The following MCM2 variants were observed in gnomAD, a reference collection of about 807,000 sequenced individuals.
MCM2 encodes DNA replication licensing factor MCM2.
Under a neutral mutation model 86.4 loss-of-function variants are expected in MCM2, and 49 were observed. That is an observed-to-expected ratio of 0.57 (90% CI 0.45 to 0.72). The LOEUF (loss-of-function observed/expected upper bound fraction) is 0.72. Among genes scored for constraint, MCM2 ranks in the 30% least tolerant of loss-of-function variants. The pLI, the probability that MCM2 is intolerant of heterozygous loss-of-function variation, is 0.00. For missense variants in MCM2, 1,038 were observed against 1,259.9 expected, an observed-to-expected ratio of 0.82 and a Z score of 2.67; for synonymous variants, 475 against 484.6, an observed-to-expected ratio of 0.98 and a Z score of 0.26.
chr3:127,602,370 T>C (rs2074312211), intron 2 of MCM2, among the ~76,000 whole-genome samples: 1 of 152,094 alleles, frequency 6.6e-6, no homozygotes, highest in Non-Finnish European at 1.5e-5. Context: ...AGTTTGACAA[T>C]GTTTATTGCA....
At chr3:127,599,216 A>G (rs1257178861) in intron 1 of MCM2, 102 bp from the exon 2 acceptor site, 1 of 921,858 alleles carries the variant, frequency 1.1e-6, no homozygotes, top group Non-Finnish European at 1.7e-6. Flanking sequence ...GACAAGAGTC[A>G]CAGGTGGAGA....
Position 127,621,248 on chromosome 3 carries a change from G to T in MCM2, c.2604+20G>T. The T allele has an allele frequency of 6.2e-7, 1 of 1,613,180 alleles. No homozygotes were observed. The highest frequency in any genetic ancestry group is 8.5e-7 in the Non-Finnish European group (1 of 1,179,770). On this transcript the variant is annotated intron_variant, in intron 15 of 15. Coordinates refer to ENST00000265056, the MANE Select transcript of MCM2 (RefSeq NM_004526.4). ...GATAAGGTATGGGCCCGGAAGGGAG[G>T]TGAGGGTTGGGGTATGCTGACTTGG...
chr3:127,620,442 A>C (rs1003480146), intron 13 of MCM2, among the ~76,000 whole-genome samples: 1 of 152,248 alleles, frequency 6.6e-6, no homozygotes, highest in African/African-American at 2.4e-5. Context: ...GATGCACAGA[A>C]GTCAGCTGGT....
intron 8 of MCM2, among the ~76,000 whole-genome samples, chr3:127,609,313 T>C (rs2074375425): frequency 6.6e-6 from 1 of 152,150 alleles, no homozygotes; most frequent in Admixed American, 6.5e-5. Context: ...AGGACGGGGT[T>C]GCGACGAGAA....
rs17538488 is a variant in MCM2 at position 127,607,003 on chromosome 3, C to A, written c.1101+186C>A. Among the ~76,000 whole-genome samples, 582 of 152,324 alleles carry A rather than the reference C, an allele frequency of 3.8e-3. 2 individuals are homozygous for A. The highest frequency in any genetic ancestry group is 5.3e-3 in the Non-Finnish European group (361 of 68,030). ...GCCAGTGGACTTAGCTTGGCCCACA[C>A]GACGTTTTTAGGAATTCAAGTCAAT... is the stretch of plus-strand genomic sequence containing the variant. On this transcript the variant is annotated intron_variant, in intron 6 of 15. Coordinates refer to ENST00000265056, the MANE Select transcript of MCM2 (RefSeq NM_004526.4).
Position 127,605,039 on chromosome 3 carries a change from G to A in MCM2, c.556G>A (p.Val186Met). 1 of 1,614,142 alleles carries A rather than the reference G, an allele frequency of 6.2e-7. No individual in the cohort carries two copies. Among genetic ancestry groups the A allele is most frequent in the Non-Finnish European group, 8.5e-7 (1 of 1,180,004 alleles). The stretch of plus-strand genomic sequence containing the variant: ...CAAAGGCCACTCTGTGCGCGAGTGG[G>A]TGAGCATGGCGGGCCCCCGGCTGGA... ...DLKGHSVREW[V>M]SMAGPRLEIH... is the part of the protein sequence containing the mutation. The change falls in exon 4 of 16, where the codon GTG becomes ATG. Residue 186 changes from valine (V) to methionine (M), a missense_variant. Coordinates refer to ENST00000265056, the MANE Select transcript of MCM2 (RefSeq NM_004526.4).
rs2074446394 is a variant in MCM2, at chr3:127,617,993, C to G, written c.1925C>G (p.Thr642Ser). 1 of 1,613,952 alleles carries G rather than the reference C, an allele frequency of 6.2e-7. No individual in the cohort carries two copies. The highest frequency in any genetic ancestry group is 8.5e-7 in the Non-Finnish European group (1 of 1,179,988). Reference sequence around the variant, plus strand: ...GGAGGGCGCTACGACCCCTCGCTGACTTTCTCTGAGAACGTGGACCTCACA... The same window carrying G: ...GGAGGGCGCTACGACCCCTCGCTGAGTTTCTCTGAGAACGTGGACCTCACA... ...PIGGRYDPSL[T>S]FSENVDLTEP... The change falls in exon 12 of 16, where the codon ACT (threonine) becomes AGT (serine). Residue 642 changes from threonine (T) to serine (S), a missense_variant. Physicochemically the swap from Thr to Ser is moderately conservative, Grantham distance 58 (BLOSUM62 1). Coordinates refer to ENST00000265056, the MANE Select transcript of MCM2 (RefSeq NM_004526.4). This position sits in a 1 kb window ranked among gnomAD's most constrained non-coding sequence, Gnocchi z 4.1.
rs377332125 is a variant in MCM2 at position 127,606,481 on chromosome 3, G to A, written c.894-129G>A. ...GCAGGTGAGTTGTGGTTGCACAGGA[G>A]TGTGATGGGAGGGATCTTCCCGGGC... On this transcript the variant is annotated intron_variant, in intron 5 of 15. Coordinates refer to ENST00000265056, the MANE Select transcript of MCM2 (RefSeq NM_004526.4). The surrounding 1 kb of genome is among the most constrained non-coding windows in gnomAD (Gnocchi z 4.2). 1 of 1,174,362 alleles carries A rather than the reference G, an allele frequency of 8.5e-7. No homozygotes were observed. The highest frequency in any genetic ancestry group is 1.2e-6 in the Non-Finnish European group (1 of 817,302). The allele number at this position is 1,174,362 out of a possible 1,614,324, so 72.7% of individuals were successfully genotyped here.
At chr3:127,620,977 C>A in intron 14 of MCM2, 96 bp from the exon 15 acceptor site, 1 of 1,570,804 alleles carries the variant, frequency 6.4e-7, no homozygotes, top group Non-Finnish European at 8.7e-7. Flanking sequence ...CACCCAGGAG[C>A]GGCAGCCTGT....
At chr3:127,621,344 A>G (rs2074477573) in intron 15 of MCM2, 116 bp downstream of exon 15, 1 of 1,217,128 alleles carries the variant, frequency 8.2e-7, no homozygotes, top group Non-Finnish European at 1.2e-6. Context: ...GTTGACAGCC[A>G]TTTATTGAAT....
chr3:127,600,106 CCCG>C (rs1484834169), intron 2 of MCM2, among the ~76,000 whole-genome samples: 1 of 152,160 alleles, frequency 6.6e-6, no homozygotes, highest in African/African-American at 2.4e-5. Context: ...AGGGTGAAAC[CCCG>C]TCTCTGCTAA....
chr3:127,616,741 C>T, intron 9 of MCM2, 127 bp from the exon 10 acceptor site: 1 of 1,088,214 alleles, frequency 9.2e-7, no homozygotes, highest in Non-Finnish European at 1.3e-6. Flanking sequence ...CATTGTATCC[C>T]TTTCTAGAGG....
At chr3:127,607,259 C>A (rs1248325130) in intron 6 of MCM2, among the ~76,000 whole-genome samples, 1 of 152,216 alleles carries the variant, frequency 6.6e-6, no homozygotes, top group Non-Finnish European at 1.5e-5. Flanking sequence ...ACCATACCAA[C>A]CTCCTGCACC....
chr3:127,620,842 G>A lies in MCM2; in HGVS notation c.2410G>A (p.Asp804Asn). Residue 804 changes from aspartate to asparagine, a missense_variant, in exon 14 of 16, where the codon GAC becomes AAC. This residue lies in a region of MCM2 where 336 missense variants were observed against 425.7 expected (regional missense o/e 0.79). Coordinates refer to ENST00000265056, the MANE Select transcript of MCM2 (RefSeq NM_004526.4). ...AIRVMLESFI[D>N]TQKFSVMRSM... ...CCGCGTGATGCTGGAGAGCTTCATA[G>A]ACACACAGAAGTTCAGCGTCATGCG... is the stretch of plus-strand genomic sequence containing the variant. The A allele has an allele frequency of 6.2e-7, 1 of 1,613,246 alleles. No individual in the cohort carries two copies. The highest frequency in any genetic ancestry group is 8.5e-7 in the Non-Finnish European group (1 of 1,179,480).
chr3:127,620,898 T>C lies in MCM2; in HGVS notation c.2448+18T>C. On this transcript the variant is annotated intron_variant, in intron 14 of 15. Coordinates refer to ENST00000265056, the MANE Select transcript of MCM2 (RefSeq NM_004526.4). ...TGCGCAAGGTGGGTGTGCTCCGAGG[T>C]AGGGGCCTGATGGGCAAGCTCAGTG... 1 of 1,589,696 alleles carries C rather than the reference T, an allele frequency of 6.3e-7. No homozygotes were observed. The highest frequency in any genetic ancestry group is 8.6e-7 in the Non-Finnish European group (1 of 1,164,492).
intron 2 of MCM2, among the ~76,000 whole-genome samples, chr3:127,603,000 C>G (rs1398584910): frequency 1.3e-5 from 2 of 152,088 alleles, no homozygotes; most frequent in East Asian, 3.8e-4. Flanking sequence ...ATACACATAA[C>G]AAAATTTACC....
Position 127,604,945 on chromosome 3 carries a change from G to A in MCM2, c.462G>A (p.Val154=), listed in dbSNP as rs1307115011. The A allele has an allele frequency of 6.2e-7, 1 of 1,613,812 alleles. No homozygotes were observed. The highest frequency in any genetic ancestry group is 8.5e-7 in the Non-Finnish European group (1 of 1,179,852). The change falls in exon 4 of 16, where the codon GTG becomes GTA. Residue 154 remains valine (V), a synonymous_variant. Transcript: ENST00000265056. ...GCCCTGCCCGCAAGCGCCGCCAGGT[G>A]GAGCGGGCCACGGAGGACGGCGAGG... ...EERPARKRRQ[V]ERATEDGEED...
At chr3:127,620,988 C>G in intron 14 of MCM2, 85 bp from the exon 15 acceptor site, 1 of 1,578,416 alleles carries the variant, frequency 6.3e-7, no homozygotes, top group Non-Finnish European at 8.6e-7. Context: ...GGCAGCCTGT[C>G]TGACCTGGGT....
In MCM2 at chr3:127,608,436, G is replaced by GCGGCTGGC; in HGVS notation, c.1163_1170dup (p.Pro391AlafsTer25). 6.2e-7 allele frequency: 1 copy of GCGGCTGGC among 1,614,210 alleles called. No homozygotes were observed. Among genetic ancestry groups the GCGGCTGGC allele is most frequent in the Non-Finnish European group, 8.5e-7 (1 of 1,180,044 alleles). ...AATCCAGGAGAGTCCAGGCAAAGTGGCGGCTGGCCGGCTGCCCCGCTCCAA... is the reference window on the plus strand; with the variant it reads ...AATCCAGGAGAGTCCAGGCAAAGTGGCGGCTGGCCGGCTGGCCGGCTGCCCCGCTCCAA... On this transcript the variant is annotated frameshift_variant, in exon 7 of 16. Transcript: ENST00000265056. LOFTEE classifies it high-confidence loss of function.
Sources: allele counts gnomAD v4.1 joint callset (sites outside exome capture counted in the v4.1 genomes callset), GRCh38; gene constraint gnomAD v4.1.1; regional missense constraint gnomAD v4.1.1; non-coding constraint Gnocchi (gnomAD v3.1); transcripts MANE v1.5; gene names NCBI Gene and HGNC (gene_info 2026-07-23, HGNC 2026-07-21).